RANBP3: variants seen among roughly 807,000 people sequenced by gnomAD.
RANBP3 encodes the protein RAN binding protein 3.
RANBP3 carries 14 observed loss-of-function variants against 77.3 expected under a neutral mutation model. The ratio of observed to expected loss-of-function variants is 0.18; its 90% CI spans 0.12 to 0.28. RANBP3 has a LOEUF of 0.28. Among genes scored for constraint, RANBP3 ranks in the 10% least tolerant of loss-of-function variants. The pLI, the probability that RANBP3 is intolerant of heterozygous loss-of-function variation, is 1.00. For synonymous variants in RANBP3, 315 were observed against 312.4 expected, an observed-to-expected ratio of 1.01 and a Z score of -0.09; for missense variants, 586 against 752.3, an observed-to-expected ratio of 0.78 and a Z score of 2.59.
In RANBP3 at chr19:5,952,614, C is replaced by T. The variant is rs907783696; in HGVS notation, c.79-1018G>A. ...TGACCTACATGACTACAGGGCTGCC[C>T]CGTCTCCCCGTGGACGTGGCTGTGC... On this transcript the variant is annotated intron_variant, in intron 2 of 16. Coordinates refer to ENST00000340578, the MANE Select transcript of RANBP3 (RefSeq NM_007322.3). The surrounding 1 kb of genome is among the most constrained non-coding windows in gnomAD (Gnocchi z 4.1). 6.6e-6 allele frequency among the ~76,000 whole-genome samples: 1 copy of T among 152,218 alleles called. No individual in the cohort carries two copies. The highest frequency in any genetic ancestry group is 2.4e-5 in the African/African-American group (1 of 41,456).
At chr19:5,923,149 G>A (rs761983260) in intron 13 of RANBP3, 45 bp downstream of exon 13, 1 of 1,524,948 alleles carries the variant, frequency 6.6e-7, no homozygotes, top group South Asian at 1.1e-5. Context: ...GGACCCCCAG[G>A]TGCATGGAAG....
chr19:5,918,148 C>T (rs573696966), intron 15 of RANBP3, among the ~76,000 whole-genome samples, 168 bp from the exon 16 acceptor site: 28 of 152,328 alleles, frequency 1.8e-4, no homozygotes, highest in African/African-American at 6.5e-4. Context: ...AGGATGCCAC[C>T]ACTCCCAGGT....
chr19:5,927,556 C>T (rs1004062847), intron 9 of RANBP3, among the ~76,000 whole-genome samples: 1 of 152,234 alleles, frequency 6.6e-6, no homozygotes, highest in Non-Finnish European at 1.5e-5. Flanking sequence ...TAAGAATGGT[C>T]CAGCCGTAAT....
At chr19:5,945,440 T>C (rs1333411591) in intron 3 of RANBP3, among the ~76,000 whole-genome samples, 1 of 152,166 alleles carries the variant, frequency 6.6e-6, no homozygotes, top group Admixed American at 6.5e-5. Context: ...CCTTTAAAAT[T>C]TGAGATGTGT....
In RANBP3 at chr19:5,958,381, G is replaced by C. The variant is rs1407395379; in HGVS notation, c.23-408C>G. ...TTAGCTTTTTAAAGTTTACAGGCCAGAGGGCAAAAAAAAGGGCCACCGCTC... is the reference window on the plus strand; with the variant it reads ...TTAGCTTTTTAAAGTTTACAGGCCACAGGGCAAAAAAAAGGGCCACCGCTC... On this transcript the variant is annotated intron_variant, in intron 1 of 16. Coordinates refer to ENST00000340578, the MANE Select transcript of RANBP3 (RefSeq NM_007322.3). The surrounding 1 kb of genome is among the most constrained non-coding windows in gnomAD (Gnocchi z 4.4). 6.6e-6 allele frequency among the ~76,000 whole-genome samples: 1 copy of C among 151,742 alleles called. No homozygotes were observed. Among genetic ancestry groups the C allele is most frequent in the Non-Finnish European group, 1.5e-5 (1 of 68,026 alleles).
At chr19:5,973,329 G>C (rs1052269774) in intron 1 of RANBP3, among the ~76,000 whole-genome samples, 4 of 152,164 alleles carry the variant, frequency 2.6e-5, no homozygotes, top group Non-Finnish European at 4.4e-5. Flanking sequence ...CTCATACCTG[G>C]TCAGGCTTTT....
At chr19:5,947,672 C>T (rs2058223876) in intron 3 of RANBP3, among the ~76,000 whole-genome samples, 1 of 152,242 alleles carries the variant, frequency 6.6e-6, no homozygotes, top group Admixed American at 6.5e-5. Context: ...TGAAGCAGCC[C>T]TCCCGCGGCT....
chr19:5,946,277 G>A (rs2058203883), intron 3 of RANBP3, among the ~76,000 whole-genome samples: 1 of 152,196 alleles, frequency 6.6e-6, no homozygotes, highest in Non-Finnish European at 1.5e-5. Context: ...CACCTGCACA[G>A]AAGGCACTTG....
At chr19:5,933,531 G>A (rs2058024048) in intron 5 of RANBP3, 52 bp from the exon 6 acceptor site, 1 of 1,527,942 alleles carries the variant, frequency 6.5e-7, no homozygotes, top group Non-Finnish European at 9.0e-7. Flanking sequence ...GCTGGGGCTG[G>A]GCCTGGGGGG....
chr19:5,937,931 C>T (rs2058087357), intron 5 of RANBP3, among the ~76,000 whole-genome samples: 1 of 152,190 alleles, frequency 6.6e-6, no homozygotes, highest in African/African-American at 2.4e-5. Context: ...GAACCTGCCT[C>T]ACCGTGGCAG....
At chr19:5,951,688 C>G in intron 2 of RANBP3, 92 bp from the exon 3 acceptor site, 1 of 1,211,568 alleles carries the variant, frequency 8.3e-7, no homozygotes, top group Non-Finnish European at 1.2e-6. Flanking sequence ...CTGGAGCTGG[C>G]TCAGCTTGCA....
chr19:5,918,388 GCCCCTCCCCCCT>G, intron 15 of RANBP3, 96 bp downstream of exon 15: 4 of 688,308 alleles, frequency 5.8e-6, no homozygotes, highest in Non-Finnish European at 6.7e-6. Flanking sequence ...AGCAACTGAA[GCCCCTCCCCCCT>G]CCCCTCCCCA....
At chr19:5,933,296 A>G in intron 6 of RANBP3, 118 bp downstream of exon 6, 2 of 791,330 alleles carry the variant, frequency 2.5e-6, no homozygotes, top group Non-Finnish European at 2.0e-6. Context: ...CTCGTGGGTC[A>G]AGTTACAAGT....
intron 10 of RANBP3, 87 bp downstream of exon 10, chr19:5,925,547 C>T (rs960244513): frequency 1.4e-4 from 165 of 1,176,468 alleles, no homozygotes; most frequent in Non-Finnish European, 1.2e-4. Context: ...GAGTCGGGCA[C>T]GGGGACCACA....
chr19:5,935,785 C>A (rs775568869), intron 5 of RANBP3: 12 of 456,646 alleles, frequency 2.6e-5, no homozygotes, highest in African/African-American at 2.4e-4. Context: ...CTGTCACAGG[C>A]CCTGCTCCAC....
Position 5,978,068 on chromosome 19 carries a change from C to A in RANBP3, c.15G>T (p.Ala5=), listed in dbSNP as rs371691343. 2.5e-6 allele frequency: 4 copies of A among 1,611,038 alleles called. No individual in the cohort carries two copies. Among genetic ancestry groups the A allele is most frequent in the African/African-American group, 2.7e-5 (2 of 74,548 alleles). The change falls in exon 1 of 17, where the codon GCG becomes GCT. Residue 5 remains alanine, a synonymous_variant. Transcript: ENST00000340578. ...CAACGGCGCCTCCCCTACCTTCGTT[C>A]GCCAGGTCCGCCATTTTACTTCCTT... is the stretch of plus-strand genomic sequence containing the variant. MADL[A]NEEKPAIAPP... is the part of the protein sequence containing the mutation.
At chr19:5,937,910 C>T (rs2058087073) in intron 5 of RANBP3, among the ~76,000 whole-genome samples, 1 of 152,120 alleles carries the variant, frequency 6.6e-6, no homozygotes, top group African/African-American at 2.4e-5. Context: ...AGTAACTGAT[C>T]ACCTAAAGCA....
At chr19:5,954,735 A>G (rs1318662441) in intron 2 of RANBP3, among the ~76,000 whole-genome samples, 1 of 152,304 alleles carries the variant, frequency 6.6e-6, no homozygotes. Flanking sequence ...TGGCCTCCGC[A>G]AGAGAGAATG....
At chr19:5,933,084 A>G (rs1380438578) in intron 6 of RANBP3, 2 of 333,170 alleles carry the variant, frequency 6.0e-6, no homozygotes, top group African/African-American at 2.1e-5. Flanking sequence ...TGGGGCGAAC[A>G]CTGTGGTATG....
Sources: gnomAD v4.1 joint callset for allele counts (sites outside exome capture counted in the v4.1 genomes callset) on GRCh38, gnomAD v4.1.1 for gene constraint, Gnocchi (gnomAD v3.1) non-coding constraint, MANE v1.5 for transcripts, NCBI Gene and HGNC (gene_info 2026-07-23, HGNC 2026-07-21) for gene names.